TCERG1L: variants seen among roughly 807,000 people sequenced by gnomAD.
TCERG1L encodes transcription elongation regulator 1 like.
Under a neutral mutation model 56.3 loss-of-function variants are expected in TCERG1L, and 37 were observed. That is an observed-to-expected ratio of 0.66 (90% CI 0.51 to 0.87). The LOEUF (loss-of-function observed/expected upper bound fraction) is 0.87, where lower values mean the gene tolerates loss of function less well. Ranked by LOEUF, TCERG1L falls within the 40% of genes least tolerant of loss-of-function variation. The pLI is 0.00. For missense variants in TCERG1L, 799 were observed against 774.2 expected (o/e 1.03, Z -0.38); for synonymous variants, 324 against 326.3 (o/e 0.99, Z 0.08).
At chr10:131,131,176 T>C (rs1246200640) in intron 8 of TCERG1L, among the ~76,000 whole-genome samples, 1 of 152,192 alleles carries the variant, frequency 6.6e-6, no homozygotes, top group Non-Finnish European at 1.5e-5. Context: ...TGTCCAGGTT[T>C]CTGATGCTCA....
intron 9 of TCERG1L, among the ~76,000 whole-genome samples, chr10:131,116,482 C>T (rs1845460336): frequency 6.6e-6 from 1 of 152,176 alleles, no homozygotes; most frequent in African/African-American, 2.4e-5. Context: ...ACCACAAAGG[C>T]ACCTTTCTCC....
intron 2 of TCERG1L, 70 bp downstream of exon 2, chr10:131,309,083 T>C: frequency 6.5e-7 from 1 of 1,541,954 alleles, no homozygotes; most frequent in Non-Finnish European, 8.7e-7. Context: ...GGTATTTTTG[T>C]TGTTATGTCG....
chr10:131,134,443 T>C lies in TCERG1L; in HGVS notation c.1195A>G (p.Asn399Asp), dbSNP rs1402272855. 1 of 1,591,044 alleles carries C rather than the reference T, an allele frequency of 6.3e-7. No individual in the cohort carries two copies. The highest frequency in any genetic ancestry group is 8.6e-7 in the Non-Finnish European group (1 of 1,167,906). ...KRKLEAPATD[N>D]SDGSSSEDNR... ...TCTTCAGAACTGGACCCATCGCTGTTGTCAGCTGAAAGAAAATCAGATGAA... is the reference window on the plus strand; with the variant it reads ...TCTTCAGAACTGGACCCATCGCTGTCGTCAGCTGAAAGAAAATCAGATGAA... The change falls in exon 8 of 12, where the codon AAC becomes GAC. Residue 399 changes from asparagine (N) to aspartate (D), a missense_variant. By Grantham distance (23) the Asn-to-Asp change is conservative (BLOSUM62 1). Coordinates refer to ENST00000368642, the MANE Select transcript of TCERG1L (RefSeq NM_174937.4).
At chr10:131,116,350 C>T (rs893921921) in intron 9 of TCERG1L, among the ~76,000 whole-genome samples, 3 of 152,198 alleles carry the variant, frequency 2.0e-5, no homozygotes, top group African/African-American at 4.8e-5. Flanking sequence ...TCGGGCACCG[C>T]GACTGGCCCA....
At chr10:131,164,959 G>A (rs1411544587) in intron 5 of TCERG1L, among the ~76,000 whole-genome samples, 2 of 152,196 alleles carry the variant, frequency 1.3e-5, no homozygotes, top group Admixed American at 1.3e-4. Flanking sequence ...GGCTGCGCTG[G>A]GCCAGGCCCA....
chr10:131,203,581 G>T (rs879359169), intron 4 of TCERG1L, among the ~76,000 whole-genome samples: 1 of 152,180 alleles, frequency 6.6e-6, no homozygotes, highest in Admixed American at 6.5e-5. Context: ...AAGATGGTGC[G>T]TCTCTCCCAT....
At chr10:131,101,126 C>G (rs1467962528) in intron 10 of TCERG1L, among the ~76,000 whole-genome samples, 1 of 152,212 alleles carries the variant, frequency 6.6e-6, no homozygotes, top group Non-Finnish European at 1.5e-5. Flanking sequence ...GAGGACCAGC[C>G]CAGGCAGGCC....
intron 4 of TCERG1L, among the ~76,000 whole-genome samples, chr10:131,173,372 A>G (rs1004715449): frequency 9.9e-5 from 15 of 152,246 alleles, no homozygotes; most frequent in African/African-American, 3.6e-4. Context: ...CCGTCAATTT[A>G]ACCGGTACTG....
chr10:131,284,837 A>T (rs985439670), intron 3 of TCERG1L, among the ~76,000 whole-genome samples: 2 of 152,208 alleles, frequency 1.3e-5, no homozygotes, highest in African/African-American at 4.8e-5. Context: ...CTACCAGAAT[A>T]GGAAATAGAA....
chr10:131,124,786 T>G (rs1845548095), intron 8 of TCERG1L, among the ~76,000 whole-genome samples: 1 of 152,176 alleles, frequency 6.6e-6, no homozygotes, highest in Non-Finnish European at 1.5e-5. Flanking sequence ...CGCTGGGCGC[T>G]AATAAAATGC....
chr10:131,278,798 T>C (rs1490755137), intron 3 of TCERG1L, among the ~76,000 whole-genome samples: 1 of 151,048 alleles, frequency 6.6e-6, no homozygotes, highest in East Asian at 1.9e-4. Context: ...CTCTCTCCCA[T>C]GCTGGGGCTT....
intron 4 of TCERG1L, among the ~76,000 whole-genome samples, chr10:131,213,825 G>A: frequency 6.6e-6 from 1 of 152,198 alleles, no homozygotes; most frequent in East Asian, 1.9e-4. Flanking sequence ...CCCTGCTTCA[G>A]GAACTGGGAG....
intron 1 of TCERG1L, among the ~76,000 whole-genome samples, chr10:131,309,832 G>T (rs1457236300): frequency 4.7e-5 from 2 of 42,570 alleles, no homozygotes; most frequent in Admixed American, 4.3e-4. Flanking sequence ...TAGATTCTAT[G>T]GCAAAAAAAA....
chr10:131,294,756 T>C (rs1846670156), intron 3 of TCERG1L, among the ~76,000 whole-genome samples: 1 of 152,192 alleles, frequency 6.6e-6, no homozygotes, highest in South Asian at 2.1e-4. Context: ...TGTTTTCTTC[T>C]ATTGTCCATT....
chr10:131,097,508 C>G (rs775503427), intron 11 of TCERG1L, among the ~76,000 whole-genome samples: 49 of 152,152 alleles, frequency 3.2e-4, no homozygotes, highest in Non-Finnish European at 5.6e-4. Flanking sequence ...CCACCACGCC[C>G]GGCTAATTTT....
intron 4 of TCERG1L, among the ~76,000 whole-genome samples, chr10:131,189,966 A>G (rs1845287239): frequency 6.6e-6 from 1 of 152,228 alleles, no homozygotes; most frequent in African/African-American, 2.4e-5. Flanking sequence ...AAAAATACAA[A>G]AGACCAATGA....
chr10:131,117,913 C>T lies in TCERG1L; in HGVS notation c.1260-979G>A, dbSNP rs191324423. 2.4e-3 allele frequency among the ~76,000 whole-genome samples: 365 copies of T among 152,302 alleles called. 2 individuals carry two copies. The highest frequency in any genetic ancestry group is 8.6e-3 in the African/African-American group (356 of 41,556). ...AATGTGTCTGGCCAAATGCAGACGC[C>T]GTTCTTCTTGTGTCTGGCTTCCCCT... On this transcript the variant is annotated intron_variant, in intron 8 of 11. Transcript: ENST00000368642.
At chr10:131,263,465 A>G (rs1408416605) in intron 3 of TCERG1L, among the ~76,000 whole-genome samples, 1 of 152,152 alleles carries the variant, frequency 6.6e-6, no homozygotes, top group African/African-American at 2.4e-5. Flanking sequence ...TATCACAATC[A>G]CACCACATCT....
At chr10:131,298,796 T>C (rs928473323) in intron 3 of TCERG1L, among the ~76,000 whole-genome samples, 1 of 152,240 alleles carries the variant, frequency 6.6e-6, no homozygotes, top group Admixed American at 6.5e-5. Flanking sequence ...CAGATAAAAA[T>C]ATATGCCCTG....
Sources: allele counts gnomAD v4.1 joint callset (sites outside exome capture counted in the v4.1 genomes callset), GRCh38; gene constraint gnomAD v4.1.1; transcripts MANE v1.5; gene names NCBI Gene and HGNC (gene_info 2026-07-23, HGNC 2026-07-21).